The following IGSF11 variants were observed in gnomAD, a reference collection of about 807,000 sequenced individuals.
The protein encoded by IGSF11 is immunoglobulin superfamily member 11.
IGSF11 carries 22 observed loss-of-function variants against 41.0 expected under a neutral mutation model. The observed-to-expected ratio is 0.54, with a 90% confidence interval of 0.38 to 0.77. IGSF11 has a LOEUF of 0.77. Ranked by LOEUF, IGSF11 falls within the 30% of genes least tolerant of loss-of-function variation. IGSF11 has a pLI of 0.00. For synonymous variants in IGSF11, 219 were observed against 201.3 expected (o/e 1.09, Z -0.74); for missense variants, 444 against 530.8 (o/e 0.84, Z 1.61).
At chr3:119,099,705 G>A (rs1399480347) in intron 1 of IGSF11, among the ~76,000 whole-genome samples, 3 of 152,164 alleles carry the variant, frequency 2.0e-5, no homozygotes, top group Non-Finnish European at 4.4e-5. Flanking sequence ...AAATCATGGA[G>A]GGCCTTGAAT....
intron 1 of IGSF11, among the ~76,000 whole-genome samples, chr3:118,995,756 G>T (rs937248728): frequency 6.6e-6 from 1 of 152,120 alleles, no homozygotes; most frequent in Non-Finnish European, 1.5e-5. Flanking sequence ...GGGTTCAAGC[G>T]ATTCTCCTGC....
intron 1 of IGSF11, among the ~76,000 whole-genome samples, chr3:119,099,659 T>C (rs1373129069): frequency 6.6e-6 from 1 of 152,222 alleles, no homozygotes; most frequent in Admixed American, 6.5e-5. Context: ...GTGGCAAGTG[T>C]ATTCAGAAAT....
In IGSF11 at chr3:119,103,673, T is replaced by C. The variant is rs566594901; in HGVS notation, c.49+1471A>G. ...CTATAGGGCTGTATCCAATGCAGAGTCTCTTTGGTCCACCCTGTACCACTA... is the reference window on the plus strand; with the variant it reads ...CTATAGGGCTGTATCCAATGCAGAGCCTCTTTGGTCCACCCTGTACCACTA... On this transcript the variant is annotated intron_variant, in intron 1 of 6. Transcript: ENST00000354673. Among the ~76,000 whole-genome samples the C allele has an allele frequency of 1.7e-4, 26 of 151,770 alleles. No homozygotes were observed. The Middle Eastern group carries it at 0.01, about 60-fold the overall frequency.
chr3:118,936,899 G>T (rs56160739), intron 1 of IGSF11, among the ~76,000 whole-genome samples: 39,742 of 152,082 alleles, frequency 0.26, 6,444 homozygotes, highest in African/African-American at 0.45. Context: ...ACAGACAATG[G>T]ACATTTTACT....
chr3:118,949,868 C>A (rs1039804674), intron 1 of IGSF11, among the ~76,000 whole-genome samples: 4 of 152,174 alleles, frequency 2.6e-5, no homozygotes, highest in African/African-American at 9.6e-5. Context: ...AAAGCCTCTG[C>A]ATACCTTCCC....
chr3:119,061,651 T>C (rs1209616705), intron 1 of IGSF11, among the ~76,000 whole-genome samples: 1 of 152,198 alleles, frequency 6.6e-6, no homozygotes, highest in African/African-American at 2.4e-5. Context: ...AATTACTTCT[T>C]AAATAAACTA....
At chr3:118,959,453 C>T (rs945460301) in intron 1 of IGSF11, among the ~76,000 whole-genome samples, 1 of 152,104 alleles carries the variant, frequency 6.6e-6, no homozygotes, top group Non-Finnish European at 1.5e-5. Context: ...CCAATAAATG[C>T]CTTACAGAGT....
At chr3:119,139,722 A>C (rs2077615104) in intron 1 of IGSF11, among the ~76,000 whole-genome samples, 1 of 152,196 alleles carries the variant, frequency 6.6e-6, no homozygotes, top group Admixed American at 6.5e-5. Flanking sequence ...TAGTATTATA[A>C]AAGATGTTAT....
At chr3:119,116,121 G>C (rs978695740) in intron 1 of IGSF11, among the ~76,000 whole-genome samples, 1 of 152,180 alleles carries the variant, frequency 6.6e-6, no homozygotes, top group Admixed American at 6.5e-5. Flanking sequence ...GTCTGGAAGG[G>C]TGTTTCTAGA....
intron 6 of IGSF11, among the ~76,000 whole-genome samples, chr3:118,903,352 TTATA>T (rs1939157245): frequency 6.6e-6 from 1 of 151,830 alleles, no homozygotes; most frequent in African/African-American, 2.4e-5. Flanking sequence ...GTATCTTGCT[TTATA>T]TATATAGTAT....
At chr3:119,034,847 A>G, upstream of IGSF11, 2 of 1,223,232 alleles carry the variant, frequency 1.6e-6, no homozygotes, top group Non-Finnish European at 1.0e-6. Context: ...CCCCAGGACT[A>G]GCCGACCCCT....
intron 4 of IGSF11, among the ~76,000 whole-genome samples, chr3:118,922,212 C>G (rs1559900924): frequency 6.6e-6 from 1 of 152,044 alleles, no homozygotes; most frequent in Non-Finnish European, 1.5e-5. Context: ...GAAATTTGGT[C>G]CCAGATAATT....
At chr3:119,069,087 T>G (rs934974614) in intron 1 of IGSF11, among the ~76,000 whole-genome samples, 2 of 151,896 alleles carry the variant, frequency 1.3e-5, no homozygotes, top group African/African-American at 4.8e-5. Context: ...CCACCATGCC[T>G]GGCTAATTTT....
At chr3:119,122,562 CCAGGG>C (rs1160887301) in intron 1 of IGSF11, among the ~76,000 whole-genome samples, 1 of 152,184 alleles carries the variant, frequency 6.6e-6, no homozygotes, top group Non-Finnish European at 1.5e-5. Flanking sequence ...TTACTATCAG[CCAGGG>C]CAGCTAAGGG....
At chr3:118,928,454 T>G in intron 3 of IGSF11, 55 bp downstream of exon 3, 244 of 1,392,688 alleles carry the variant, frequency 1.8e-4, no homozygotes, top group Non-Finnish European at 2.2e-4. Context: ...CAAGTATGCT[T>G]GAGAGTAGCT....
At chr3:119,023,676 T>A (rs1036429312) in intron 1 of IGSF11, among the ~76,000 whole-genome samples, 7 of 152,158 alleles carry the variant, frequency 4.6e-5, no homozygotes, top group Admixed American at 4.6e-4. Flanking sequence ...AACATGAACA[T>A]GAATTAGTTC....
chr3:118,934,674 G>C (rs1188987033), intron 1 of IGSF11, among the ~76,000 whole-genome samples: 2 of 152,070 alleles, frequency 1.3e-5, no homozygotes, highest in East Asian at 1.9e-4. Context: ...CTATTCCTTT[G>C]CATGCCCACC....
chr3:118,973,322 C>T (rs1171004687), intron 1 of IGSF11, among the ~76,000 whole-genome samples: 2 of 152,210 alleles, frequency 1.3e-5, no homozygotes, highest in Non-Finnish European at 2.9e-5. Context: ...GGCATGCACC[C>T]AGAAGCTGAA....
At chr3:119,034,237 C>T (rs980400571) in intron 1 of IGSF11, among the ~76,000 whole-genome samples, 1 of 152,224 alleles carries the variant, frequency 6.6e-6, no homozygotes, top group Non-Finnish European at 1.5e-5. Context: ...TAAAAAGGAT[C>T]CTGCATTCCG....
Sources: gnomAD v4.1 joint callset for allele counts (sites outside exome capture counted in the v4.1 genomes callset) on GRCh38, gnomAD v4.1.1 for gene constraint, MANE v1.5 for transcripts, NCBI Gene and HGNC (gene_info 2026-07-23, HGNC 2026-07-21) for gene names.